Variants in MEIS2 observed in about 807,000 individuals in gnomAD.
MEIS2 encodes the protein Meis homeobox 2, also known as homeobox protein Meis2.
Under a neutral mutation model 58.6 loss-of-function variants are expected in MEIS2, and 9 were observed. That is an observed-to-expected ratio of 0.15 (90% CI 0.09 to 0.27). The LOEUF is 0.27. Ranked by LOEUF, MEIS2 falls within the 10% of genes least tolerant of loss-of-function variation. The pLI is 1.00. For synonymous variants in MEIS2, 221 were observed against 228.4 expected, an observed-to-expected ratio of 0.97 and a Z score of 0.29; for missense variants, 427 against 635.0, an observed-to-expected ratio of 0.67 and a Z score of 3.52.
chr15:36,898,374 G>T (rs1480949289), intron 9 of MEIS2: 1 of 152,280 alleles, frequency 6.6e-6, no homozygotes, highest in Non-Finnish European at 1.5e-5. Context: ...CTTGAAACCA[G>T]CAGAGATGCT....
intron 6 of MEIS2, among the ~76,000 whole-genome samples, chr15:37,093,039 A>G (rs1249628030): frequency 6.6e-6 from 1 of 152,182 alleles, no homozygotes; most frequent in Non-Finnish European, 1.5e-5. Flanking sequence ...ATAAGTTTCT[A>G]TAGCAAAAGC....
chr15:37,010,189 G>A (rs894619128), intron 8 of MEIS2, among the ~76,000 whole-genome samples: 3 of 151,908 alleles, frequency 2.0e-5, no homozygotes, highest in East Asian at 1.9e-4. Context: ...CTGGGTTCAC[G>A]CCATTCTCCT....
rs112861228 is a variant in MEIS2 at position 36,894,595 on chromosome 15, G to A, written c.1147+556C>T. On this transcript the variant is annotated intron_variant, in intron 11 of 11. Coordinates refer to ENST00000561208, the MANE Select transcript of MEIS2 (RefSeq NM_170675.5). ...ATGGGTGATATATATTTAAAAACAG[G>A]TCCTTAGTTTGGAAAGGCATGCAGT... The A allele has an allele frequency of 2.5e-3, 1,757 of 707,382 alleles. 3 individuals are homozygous for A. The highest frequency in any genetic ancestry group is 3.4e-3 in the Non-Finnish European group (1,481 of 432,554). The allele number at this position is 707,382 out of a possible 1,614,324, so 43.8% of individuals were successfully genotyped here.
At chr15:36,903,720 C>T (rs1453171127) in intron 9 of MEIS2, among the ~76,000 whole-genome samples, 1 of 152,222 alleles carries the variant, frequency 6.6e-6, no homozygotes, top group African/African-American at 2.4e-5. Flanking sequence ...TGCACACATT[C>T]TTAGCCAACT....
chr15:37,032,063 C>T (rs1363505893), intron 8 of MEIS2, among the ~76,000 whole-genome samples: 1 of 152,146 alleles, frequency 6.6e-6, no homozygotes, highest in East Asian at 1.9e-4. Flanking sequence ...TGGTGTCAAA[C>T]TCCTAGCCCC....
At chr15:36,896,774 C>A in intron 9 of MEIS2, 88 bp from the exon 10 acceptor site, 2 of 996,682 alleles carry the variant, frequency 2.0e-6, no homozygotes, top group Non-Finnish European at 1.6e-6. Flanking sequence ...GCACAAAATA[C>A]AGTCAAATCT....
At chr15:36,911,859 C>G (rs2057042991) in intron 9 of MEIS2, among the ~76,000 whole-genome samples, 1 of 152,200 alleles carries the variant, frequency 6.6e-6, no homozygotes, top group Non-Finnish European at 1.5e-5. Context: ...CTTAAAATTA[C>G]TATTTGCTGT....
chr15:36,910,018 C>T (rs756746679), intron 9 of MEIS2, among the ~76,000 whole-genome samples: 29 of 152,068 alleles, frequency 1.9e-4, no homozygotes, highest in Non-Finnish European at 3.7e-4. Context: ...GCCTGGGCAA[C>T]ATGATGAAGC....
chr15:37,072,229 T>G (rs1318400336), intron 7 of MEIS2, among the ~76,000 whole-genome samples: 1 of 152,130 alleles, frequency 6.6e-6, no homozygotes, highest in African/African-American at 2.4e-5. Context: ...TTGCTTAAAC[T>G]TCTTTAAAAT....
intron 8 of MEIS2, 82 bp from the exon 9 acceptor site, chr15:36,950,482 G>A: frequency 7.5e-7 from 1 of 1,337,990 alleles, no homozygotes; most frequent in Non-Finnish European, 1.1e-6. Flanking sequence ...ACCACCGTTG[G>A]TGATTTCTTT....
intron 7 of MEIS2, among the ~76,000 whole-genome samples, chr15:37,078,605 CAAAAAAAAA>C (rs540405090): frequency 1.4e-5 from 1 of 69,412 alleles, no homozygotes; most frequent in African/African-American, 5.9e-5. Context: ...AAAAAACAAC[CAAAAAAAAA>C]AAAAAAAAAA....
intron 7 of MEIS2, among the ~76,000 whole-genome samples, chr15:37,078,875 C>T (rs1032347448): frequency 2.0e-4 from 30 of 151,898 alleles, no homozygotes; most frequent in African/African-American, 7.0e-4. Context: ...AAAAAAAAAT[C>T]TAGAAATCCC....
rs138221408 is a variant in MEIS2, at chr15:37,057,995, A to G, written c.755-21036T>C. ...ACATGGTGCTTCTTTTCAAAGGGTC[A>G]CATGTACCGGGGATCAATGTTGGTG... is the stretch of plus-strand genomic sequence containing the variant. On this transcript the variant is annotated intron_variant, in intron 7 of 11. Transcript: ENST00000561208. Among the ~76,000 whole-genome samples, 510 of 152,326 alleles carry G rather than the reference A, an allele frequency of 3.3e-3. 4 individuals are homozygous for G. The highest frequency in any genetic ancestry group is 3.7e-3 in the Non-Finnish European group (252 of 68,032).
At chr15:36,969,477 T>C (rs2059460899) in intron 8 of MEIS2, among the ~76,000 whole-genome samples, 1 of 152,238 alleles carries the variant, frequency 6.6e-6, no homozygotes, top group Non-Finnish European at 1.5e-5. Flanking sequence ...TCACTCTTCC[T>C]ATGTTTCTGA....
chr15:36,940,723 T>C (rs2058344654), intron 9 of MEIS2, among the ~76,000 whole-genome samples: 1 of 152,178 alleles, frequency 6.6e-6, no homozygotes, highest in Non-Finnish European at 1.5e-5. Flanking sequence ...GGCTACTCAA[T>C]AAATCATACC....
At chr15:36,989,932 TTTTGTTTG>T (rs752139582) in intron 8 of MEIS2, among the ~76,000 whole-genome samples, 1 of 151,776 alleles carries the variant, frequency 6.6e-6, no homozygotes, top group Admixed American at 6.6e-5. Context: ...TTGGAAGCAG[TTTTGTTTG>T]TTTGTTTGTT....
At position 37,000,608 on chromosome 15, in the gene MEIS2, C is replaced by G. The variant is rs1045439769; in HGVS notation, c.900+36206G>C. Among the ~76,000 whole-genome samples, 6 of 152,206 alleles carry G rather than the reference C, an allele frequency of 3.9e-5. No homozygotes were observed. In the East Asian group the frequency reaches 5.8e-4, roughly 15 times the overall value. On this transcript the variant is annotated intron_variant, in intron 8 of 11. Coordinates refer to ENST00000561208, the MANE Select transcript of MEIS2 (RefSeq NM_170675.5). The stretch of plus-strand genomic sequence containing the variant: ...CGCTAATTGTATTTACTCCCACCCA[C>G]TGTCAGAGAAAGAGCCATTCTTCCA...
chr15:37,056,192 A>G (rs1888374598), intron 7 of MEIS2, among the ~76,000 whole-genome samples: 1 of 152,192 alleles, frequency 6.6e-6, no homozygotes, highest in African/African-American at 2.4e-5. Flanking sequence ...AAAAATGGAT[A>G]TTATGAGGCA....
chr15:37,048,501 C>G (rs904468489), intron 7 of MEIS2, among the ~76,000 whole-genome samples: 2 of 151,964 alleles, frequency 1.3e-5, no homozygotes, highest in Non-Finnish European at 1.5e-5. Context: ...AATGGTTGAT[C>G]AGTTTTAATT....
Sources: allele counts gnomAD v4.1 joint callset (sites outside exome capture counted in the v4.1 genomes callset), GRCh38; gene constraint gnomAD v4.1.1; transcripts MANE v1.5; gene names NCBI Gene and HGNC (gene_info 2026-07-23, HGNC 2026-07-21).